Variants in KHDRBS1 observed in about 807,000 individuals in gnomAD.
KHDRBS1 encodes KH RNA binding domain containing, signal transduction associated 1, also known as KH domain-containing, RNA-binding, signal transduction-associated protein 1.
Under a neutral mutation model 48.4 loss-of-function variants are expected in KHDRBS1, and 7 were observed. The ratio of observed to expected loss-of-function variants is 0.14; its 90% CI spans 0.08 to 0.27. KHDRBS1 has a LOEUF of 0.27. Ranked by LOEUF, KHDRBS1 falls within the 10% of genes least tolerant of loss-of-function variation. The pLI is 1.00. For missense variants in KHDRBS1, 458 were observed against 601.2 expected (o/e 0.76, Z 2.49); for synonymous variants, 241 against 235.8 (o/e 1.02, Z -0.20).
At chr1:32,045,187 A>C (rs1177941530), downstream of KHDRBS1, 1 of 152,614 alleles carries the variant, frequency 6.6e-6, no homozygotes. Flanking sequence ...TGATATTCAC[A>C]ATGAAACTTT....
At chr1:32,028,144 T>C (rs529412749) in intron 1 of KHDRBS1, among the ~76,000 whole-genome samples, 1 of 152,210 alleles carries the variant, frequency 6.6e-6, no homozygotes, top group Admixed American at 6.6e-5. Context: ...AAATAAAAAC[T>C]GTTAAGGGTA....
chr1:32,049,924 G>A (rs1639397229), intron 10 of KHDRBS1, among the ~76,000 whole-genome samples: 1 of 152,094 alleles, frequency 6.6e-6, no homozygotes, highest in Non-Finnish European at 1.5e-5. Flanking sequence ...GCCTCCCAAA[G>A]TGCTGGGATT....
intron 10 of KHDRBS1, among the ~76,000 whole-genome samples, chr1:32,055,972 TTTTG>T (rs1639475763): frequency 6.6e-6 from 1 of 152,112 alleles, no homozygotes; most frequent in South Asian, 2.1e-4. Flanking sequence ...CTCTCTGTTT[TTTTG>T]TTTGTTTCGA....
intron 1 of KHDRBS1, 32 bp downstream of exon 1, chr1:32,014,409 C>G: frequency 3.1e-6 from 4 of 1,298,486 alleles, no homozygotes; most frequent in Non-Finnish European, 4.0e-6. Context: ...CTCTGGGTCG[C>G]CCGGCCATCC....
chr1:32,027,745 C>CT (rs1209849654), intron 1 of KHDRBS1, among the ~76,000 whole-genome samples: 1 of 152,154 alleles, frequency 6.6e-6, no homozygotes, highest in Non-Finnish European at 1.5e-5. Context: ...TCTAAATTCT[C>CT]TAAGGCATGT....
chr1:32,048,935 A>G (rs1460950266), intron 10 of KHDRBS1, among the ~76,000 whole-genome samples: 1 of 152,016 alleles, frequency 6.6e-6, no homozygotes, highest in Non-Finnish European at 1.5e-5. Context: ...TTTAGCCTCC[A>G]GAAGGCTAAG....
At chr1:32,059,700 G>C (rs1390094465) in intron 10 of KHDRBS1, among the ~76,000 whole-genome samples, 2 of 152,096 alleles carry the variant, frequency 1.3e-5, no homozygotes, top group Non-Finnish European at 2.9e-5. Flanking sequence ...ATCGCCCCTT[G>C]AGCCTAACAT....
chr1:32,028,628 T>A (rs1639021550), intron 1 of KHDRBS1, among the ~76,000 whole-genome samples: 1 of 148,800 alleles, frequency 6.7e-6, no homozygotes, highest in Admixed American at 6.7e-5. Context: ...CCAGCCTCCC[T>A]AGTAGCTGGG....
intron 1 of KHDRBS1, among the ~76,000 whole-genome samples, chr1:32,018,242 C>T (rs1224758518): frequency 2.0e-5 from 3 of 151,572 alleles, no homozygotes; most frequent in Admixed American, 6.6e-5. Context: ...AGGCAAAGCA[C>T]GAGGTCAGGA....
chr1:32,029,200 A>G (rs1472206629), intron 1 of KHDRBS1, among the ~76,000 whole-genome samples: 1 of 152,204 alleles, frequency 6.6e-6, no homozygotes, highest in Non-Finnish European at 1.5e-5. Flanking sequence ...AACTGTCTTA[A>G]CCCGCGAATT....
At position 32,037,501 on chromosome 1, in the gene KHDRBS1, G is replaced by A. The variant is rs572826026; in HGVS notation, c.906-334G>A. ...GGCACTTTGACCATAGCCAAGTGCT[G>A]CAGTCTAGCTGAAACTTTTGGTCTT... On this transcript the variant is annotated intron_variant, in intron 5 of 8. Transcript: ENST00000327300. 5.9e-5 allele frequency among the ~76,000 whole-genome samples: 9 copies of A among 151,708 alleles called. No homozygotes were observed. The South Asian group carries it at 1.9e-3, about 32-fold the overall frequency.
chr1:32,021,146 A>AAAGCTC (rs1311479952), intron 1 of KHDRBS1, among the ~76,000 whole-genome samples: 2 of 152,172 alleles, frequency 1.3e-5, no homozygotes, highest in African/African-American at 4.8e-5. Context: ...TCAAAGTTGC[A>AAAGCTC]AAGCTCTAAA....
chr1:32,022,817 G>A lies in KHDRBS1; in HGVS notation c.383-7481G>A, dbSNP rs578053863. Among the ~76,000 whole-genome samples, 501 of 152,156 alleles carry A rather than the reference G, an allele frequency of 3.3e-3. 6 individuals carry two copies. Among genetic ancestry groups the A allele is most frequent in the African/African-American group, 0.012 (478 of 41,516 alleles). On this transcript the variant is annotated intron_variant, in intron 1 of 8. Coordinates refer to ENST00000327300, the MANE Select transcript of KHDRBS1 (RefSeq NM_006559.3). ...AGACAGGAGAATTGCTTGAACCCGG[G>A]AGGCGGAGGTTGCAGTGAGCCAAAA...
chr1:32,059,107 G>A (rs1225215646), intron 10 of KHDRBS1, among the ~76,000 whole-genome samples: 1 of 145,288 alleles, frequency 6.9e-6, no homozygotes, highest in East Asian at 2.0e-4. Context: ...CAGTACTGGA[G>A]CTAAGATTAT....
At chr1:32,031,484 T>C in intron 2 of KHDRBS1, 40 bp from the exon 3 acceptor site, 1 of 1,224,436 alleles carries the variant, frequency 8.2e-7, no homozygotes, top group Non-Finnish European at 1.2e-6. Context: ...TGTTTTTATA[T>C]AGTAGCATGT....
chr1:32,020,432 A>T (rs1638835609), intron 1 of KHDRBS1, among the ~76,000 whole-genome samples: 1 of 151,276 alleles, frequency 6.6e-6, no homozygotes, highest in African/African-American at 2.4e-5. Flanking sequence ...TCAAAAAAAA[A>T]ACGTGCTTAC....
At position 32,042,932 on chromosome 1, in the gene KHDRBS1, G is replaced by C. The variant is rs1168286837; in HGVS notation, c.*308G>C. The C allele has an allele frequency of 5.8e-6, 1 of 171,336 alleles. No individual in the cohort carries two copies. Among genetic ancestry groups the C allele is most frequent in the East Asian group, 1.5e-4 (1 of 6,630 alleles). 10.6% of individuals were successfully genotyped at this position (171,336 alleles called of 1,614,324 possible). On this transcript the variant is annotated 3_prime_UTR_variant, in exon 9 of 9. Coordinates refer to ENST00000327300, the MANE Select transcript of KHDRBS1 (RefSeq NM_006559.3). ...CCTTTTATAATAAAAAAAAGAAGTT[G>C]AGTAAAAAAAAAAAACACACAAACC...
intron 5 of KHDRBS1, 98 bp downstream of exon 5, chr1:32,037,141 A>G: frequency 1.5e-6 from 2 of 1,338,356 alleles, no homozygotes; most frequent in South Asian, 1.4e-5. Context: ...GAAGGGTCTC[A>G]GGATTTGTAT....
intron 4 of KHDRBS1, among the ~76,000 whole-genome samples, chr1:32,034,296 C>T (rs1421243159): frequency 1.3e-5 from 2 of 152,232 alleles, no homozygotes; most frequent in African/African-American, 4.8e-5. Context: ...GGCACGGTGG[C>T]TCACGCCTGT....
Sources: allele counts gnomAD v4.1 joint callset (sites outside exome capture counted in the v4.1 genomes callset), GRCh38; gene constraint gnomAD v4.1.1; transcripts MANE v1.5; gene names NCBI Gene and HGNC (gene_info 2026-07-23, HGNC 2026-07-21).